The following SCD5 variants were observed in gnomAD, a reference collection of about 807,000 sequenced individuals.
The protein encoded by SCD5 is stearoyl-CoA desaturase 5.
Under a neutral mutation model 30.4 loss-of-function variants are expected in SCD5, and 20 were observed. The ratio of observed to expected loss-of-function variants is 0.66; its 90% CI spans 0.46 to 0.96. The LOEUF (loss-of-function observed/expected upper bound fraction) is 0.96. Among genes scored for constraint, SCD5 ranks in the 40% least tolerant of loss-of-function variants. The pLI is 0.00. For synonymous variants in SCD5, 173 were observed against 176.4 expected, an observed-to-expected ratio of 0.98 and a Z score of 0.16; for missense variants, 381 against 443.3, an observed-to-expected ratio of 0.86 and a Z score of 1.26.
intron 1 of SCD5, among the ~76,000 whole-genome samples, chr4:82,717,072 T>C (rs1219973816): frequency 2.6e-5 from 4 of 151,844 alleles, no homozygotes; most frequent in African/African-American, 7.3e-5. Flanking sequence ...CTGTGAATTT[T>C]AGTATCCATG....
chr4:82,664,052 C>G (rs1415481868), intron 3 of SCD5, among the ~76,000 whole-genome samples: 1 of 152,166 alleles, frequency 6.6e-6, no homozygotes, highest in African/African-American at 2.4e-5. Flanking sequence ...GAGACACAAA[C>G]AACAGAAGTC....
At chr4:82,704,260 G>A (rs1221338712) in intron 2 of SCD5, among the ~76,000 whole-genome samples, 5 of 152,242 alleles carry the variant, frequency 3.3e-5, no homozygotes, top group African/African-American at 1.2e-4. Context: ...TGAGCTGTGT[G>A]TCTGAGGGCC....
chr4:82,631,388 T>C lies in SCD5; in HGVS notation c.932A>G (p.Lys311Arg), dbSNP rs559267964. Residue 311 changes from lysine (K) to arginine (R), a missense_variant, in exon 5 of 5, where the codon AAA (lysine) becomes AGA (arginine). By Grantham distance (26) the Lys-to-Arg change is conservative (BLOSUM62 2). Coordinates refer to ENST00000319540, the MANE Select transcript of SCD5 (RefSeq NM_001037582.3). ...CTCGATCATCGGCTTGGTTGCCCGT[T>C]TGCGGTCAGTGGCCAGCCCCAGCCA... is the stretch of plus-strand genomic sequence containing the variant. ...MCWLGLATDR[K>R]RATKPMIEAR... 2.8e-5 allele frequency: 45 copies of C among 1,614,116 alleles called. No individual in the cohort carries two copies. In the African/African-American group the frequency reaches 5.6e-4, roughly 20 times the overall value.
At position 82,705,390 on chromosome 4, in the gene SCD5, C is replaced by A; in HGVS notation, c.256G>T (p.Ala86Ser). The A allele has an allele frequency of 6.2e-7, 1 of 1,614,192 alleles. No individual in the cohort carries two copies. The highest frequency in any genetic ancestry group is 8.5e-7 in the Non-Finnish European group (1 of 1,180,028). The change falls in exon 2 of 5, where the codon GCT becomes TCT. Residue 86 changes from alanine (A) to serine (S), a missense_variant. By Grantham distance (99) the Ala-to-Ser change is moderately conservative. Coordinates refer to ENST00000319540, the MANE Select transcript of SCD5 (RefSeq NM_001037582.3). ...LWAYFCFLLA[A>S]LGVTAGAHRL... ...TGGGCACCAGCTGTCACACCCAGAG[C>A]GGCCAGGAGGAAGCAGAAGTAGGCT...
At chr4:82,699,412 A>T (rs10010234) in intron 2 of SCD5, among the ~76,000 whole-genome samples, 51,282 of 151,710 alleles carry the variant, frequency 0.34, 9,675 homozygotes, top group African/African-American at 0.51. Flanking sequence ...TGAGACAGAG[A>T]CTCGCTCTGT....
At chr4:82,660,248 T>C (rs1045772329) in intron 3 of SCD5, 2 of 159,594 alleles carry the variant, frequency 1.3e-5, no homozygotes, top group African/African-American at 4.8e-5. Context: ...CCACTGTCAA[T>C]ATTAGACAGA....
chr4:82,738,412 C>T (rs1578046037), intron 1 of SCD5, among the ~76,000 whole-genome samples: 2 of 152,088 alleles, frequency 1.3e-5, no homozygotes, highest in South Asian at 2.1e-4. Context: ...CAGAGTGAGA[C>T]TCCGTTTAAA....
intron 3 of SCD5, among the ~76,000 whole-genome samples, chr4:82,647,932 C>G (rs2868383): frequency 0.9 from 137,456 of 152,294 alleles, 62,113 homozygotes; most frequent in East Asian, 1. Context: ...CTCTTAATCA[C>G]AGTTTATGAA....
chr4:82,727,996 A>G (rs1720544225), intron 1 of SCD5, among the ~76,000 whole-genome samples: 1 of 152,124 alleles, frequency 6.6e-6, no homozygotes, highest in Admixed American at 6.6e-5. Context: ...GGCATGAGCC[A>G]CCATGCCCCA....
chr4:82,712,286 A>ATATG (rs1720121774), intron 1 of SCD5, among the ~76,000 whole-genome samples: 3 of 39,858 alleles, frequency 7.5e-5, no homozygotes, highest in African/African-American at 4.2e-4. Flanking sequence ...ATATATATAT[A>ATATG]TATATATATA....
chr4:82,717,136 A>G (rs375443436), intron 1 of SCD5, among the ~76,000 whole-genome samples: 2 of 151,826 alleles, frequency 1.3e-5, no homozygotes, highest in African/African-American at 4.9e-5. Flanking sequence ...TGTATAGGGT[A>G]TTTAGCATAT....
chr4:82,760,718 T>C (rs1181632568), intron 1 of SCD5, among the ~76,000 whole-genome samples: 1 of 152,194 alleles, frequency 6.6e-6, no homozygotes, highest in Non-Finnish European at 1.5e-5. Flanking sequence ...CCCCCATCCC[T>C]GGAAACAAGG....
chr4:82,665,131 A>G, intron 3 of SCD5, among the ~76,000 whole-genome samples: 1 of 146,460 alleles, frequency 6.8e-6, no homozygotes, highest in Non-Finnish European at 1.5e-5. Context: ...CCGACTCAGG[A>G]GGCTGAGGCA....
intron 1 of SCD5, among the ~76,000 whole-genome samples, chr4:82,755,552 G>A (rs1318282532): frequency 4.0e-5 from 6 of 148,258 alleles, no homozygotes; most frequent in East Asian, 2.0e-4. Context: ...GAGAGGGAAT[G>A]TTAAATTTGC....
intron 1 of SCD5, among the ~76,000 whole-genome samples, chr4:82,759,705 T>C (rs1172723870): frequency 3.3e-5 from 5 of 150,866 alleles, no homozygotes; most frequent in African/African-American, 1.2e-4. Flanking sequence ...CAAATGCTCC[T>C]ACCTACCCTC....
At chr4:82,744,644 G>A (rs1324267279) in intron 1 of SCD5, among the ~76,000 whole-genome samples, 1 of 152,016 alleles carries the variant, frequency 6.6e-6, no homozygotes, top group Non-Finnish European at 1.5e-5. Flanking sequence ...AGAGAAGATG[G>A]GTTGGCAGAA....
At chr4:82,711,835 T>C (rs1211817410) in intron 1 of SCD5, among the ~76,000 whole-genome samples, 1 of 151,960 alleles carries the variant, frequency 6.6e-6, no homozygotes, top group African/African-American at 2.4e-5. Context: ...ACTGCACCTG[T>C]CCTTGATTCT....
At chr4:82,736,252 C>A (rs1001315829) in intron 1 of SCD5, among the ~76,000 whole-genome samples, 22 of 151,568 alleles carry the variant, frequency 1.5e-4, no homozygotes, top group Non-Finnish European at 2.7e-4. Flanking sequence ...TGTGTCACTG[C>A]ATCCAGCCTG....
chr4:82,698,098 A>G lies in SCD5; in HGVS notation c.363+7185T>C, dbSNP rs984765830. 2.2e-5 allele frequency: 10 copies of G among 456,502 alleles called. No individual in the cohort carries two copies. The Admixed American group carries it at 2.3e-4, about 11-fold the overall frequency. The allele number at this position is 456,502 out of a possible 1,614,324, so 28.3% of individuals were successfully genotyped here. ...CTGCTGCTGCCTGTTTACATGGAGGAGAAAACCAACAACACCCACCCATCT... is the reference window on the plus strand; with the variant it reads ...CTGCTGCTGCCTGTTTACATGGAGGGGAAAACCAACAACACCCACCCATCT... On this transcript the variant is annotated intron_variant, in intron 2 of 4. Coordinates refer to ENST00000319540, the MANE Select transcript of SCD5 (RefSeq NM_001037582.3).
Sources: gnomAD v4.1 joint callset for allele counts (sites outside exome capture counted in the v4.1 genomes callset) on GRCh38, gnomAD v4.1.1 for gene constraint, MANE v1.5 for transcripts, NCBI Gene and HGNC (gene_info 2026-07-23, HGNC 2026-07-21) for gene names.